Variants in VPS54 observed in about 807,000 individuals in gnomAD.
VPS54 encodes the protein VPS54 subunit of GARP complex.
VPS54 carries 45 observed loss-of-function variants against 121.5 expected under a neutral mutation model. The ratio of observed to expected loss-of-function variants is 0.37; its 90% confidence interval spans 0.29 to 0.47. VPS54 has a LOEUF of 0.47. Among genes scored for constraint, VPS54 ranks in the 20% least tolerant of loss-of-function variants. VPS54 has a pLI of 0.99. For synonymous variants in VPS54, 371 were observed against 385.8 expected (o/e 0.96, Z 0.45); for missense variants, 1,090 against 1,131.4 (o/e 0.96, Z 0.52).
Position 63,899,567 on chromosome 2 carries a change from A to G in VPS54, c.2640T>C (p.Ala880=). 1 of 1,613,588 alleles carries G rather than the reference A, an allele frequency of 6.2e-7. No individual in the cohort carries two copies. Among genetic ancestry groups the G allele is most frequent in the South Asian group, 1.1e-5 (1 of 91,060 alleles). ...DKLLSKYEVK[A]PVPSACFRNI... Reference sequence around the variant, plus strand: ...TCCTGAAACAGGCAGAAGGAACAGGAGCCTTCACTTCATACTGGTAGGAAA... The same window carrying G: ...TCCTGAAACAGGCAGAAGGAACAGGGGCCTTCACTTCATACTGGTAGGAAA... Residue 880 remains alanine, a synonymous_variant, in exon 21 of 23, where the codon GCT becomes GCC. Transcript: ENST00000272322.
Position 63,893,234 on chromosome 2 carries a change from A to C in VPS54, c.*196T>G. On this transcript the variant is annotated 3_prime_UTR_variant, in exon 23 of 23. Coordinates refer to ENST00000272322, the MANE Select transcript of VPS54 (RefSeq NM_016516.3). The stretch of plus-strand genomic sequence containing the variant: ...CACCTGATCAGTTACTCCTCACTGT[A>C]GGATGCACAAAAATGACATTCCTTG... 6.0e-6 allele frequency: 4 copies of C among 668,864 alleles called. No homozygotes were observed. Among genetic ancestry groups the C allele is most frequent in the Non-Finnish European group, 8.2e-6 (3 of 366,042 alleles). The allele number at this position is 668,864 out of a possible 1,614,324, so 41.4% of individuals were successfully genotyped here. A position where few individuals can be genotyped will look rare whatever the true frequency, so the allele number is the denominator to read the frequency against.
Position 63,981,834 on chromosome 2 carries a change from A to T in VPS54, c.190T>A (p.Trp64Arg). 1 of 1,613,670 alleles carries T rather than the reference A, an allele frequency of 6.2e-7. No homozygotes were observed. The highest frequency in any genetic ancestry group is 8.5e-7 in the Non-Finnish European group (1 of 1,179,718). ...TTTACTTTGGAATGATATACAGTCC[A>T]TCTATGTTGATCTGTAACTAGAGAT... is the stretch of plus-strand genomic sequence containing the variant. The part of the protein sequence containing the change: ...APSLVTDQHR[W>R]TVYHSKVNLP... The change falls in exon 3 of 23, where the codon TGG becomes AGG. Residue 64 changes from tryptophan (W) to arginine (R), a missense_variant. Physicochemically the swap from Trp to Arg is moderately radical, Grantham distance 101 (BLOSUM62 -3). Coordinates refer to ENST00000272322, the MANE Select transcript of VPS54 (RefSeq NM_016516.3).
At chr2:64,007,820 G>C (rs1282750291) in intron 1 of VPS54, among the ~76,000 whole-genome samples, 1 of 152,108 alleles carries the variant, frequency 6.6e-6, no homozygotes, top group Non-Finnish European at 1.5e-5. Flanking sequence ...AGATGTGTCA[G>C]GAAGTAAAGT....
intron 19 of VPS54, 46 bp downstream of exon 19, chr2:63,912,494 G>GGATCTAAACTTATC (rs1173222796): frequency 1.2e-6 from 2 of 1,608,494 alleles, no homozygotes; most frequent in East Asian, 2.2e-5. Flanking sequence ...TAACAATTAA[G>GGATCTAAACTTATC]GATCTAAACT....
rs749956405 is a variant in VPS54 at position 63,944,685 on chromosome 2, TTTGA to T, written c.1246-34_1246-31del. On this transcript the variant is annotated intron_variant, in intron 9 of 22. Transcript: ENST00000272322. ...AAAATTTAAGAAAAAACAAAAACAATTTGATTAATTGTCTTTCAAATCCTAAGTA... is the reference window on the plus strand; with the variant it reads ...AAAATTTAAGAAAAAACAAAAACAATTTAATTGTCTTTCAAATCCTAAGTA... The T allele has an allele frequency of 5.1e-6, 8 of 1,561,774 alleles. No homozygotes were observed. The Admixed American group carries it at 5.2e-5, about 10-fold the overall frequency.
At chr2:63,997,451 T>A (rs1008086397) in intron 1 of VPS54, among the ~76,000 whole-genome samples, 3 of 152,198 alleles carry the variant, frequency 2.0e-5, no homozygotes, top group African/African-American at 7.2e-5. Flanking sequence ...TATAGGAATT[T>A]ATCCATTTCT....
At chr2:63,964,201 G>A (rs1296748526) in intron 6 of VPS54, among the ~76,000 whole-genome samples, 2 of 152,080 alleles carry the variant, frequency 1.3e-5, no homozygotes, top group African/African-American at 4.8e-5. Context: ...AGAGCAGAAC[G>A]AAAAGGAGTC....
At chr2:63,968,161 G>A (rs1311990076) in intron 5 of VPS54, among the ~76,000 whole-genome samples, 1 of 152,026 alleles carries the variant, frequency 6.6e-6, no homozygotes, top group Non-Finnish European at 1.5e-5. Context: ...ACCTATTTGA[G>A]AATCTGATGA....
chr2:63,993,199 G>A (rs1677412216), intron 1 of VPS54, among the ~76,000 whole-genome samples: 1 of 152,144 alleles, frequency 6.6e-6, no homozygotes, highest in South Asian at 2.1e-4. Flanking sequence ...TTCAAATTAG[G>A]AGAGATTATT....
At chr2:63,920,158 T>C (rs1044326451) in intron 14 of VPS54, among the ~76,000 whole-genome samples, 163 bp from the exon 15 acceptor site, 6 of 152,164 alleles carry the variant, frequency 3.9e-5, no homozygotes, top group Non-Finnish European at 8.8e-5. Context: ...TCCCTTTTTA[T>C]ATCTCAGCCT....
intron 12 of VPS54, among the ~76,000 whole-genome samples, chr2:63,930,549 C>A (rs1432232704): frequency 1.3e-5 from 2 of 152,146 alleles, no homozygotes; most frequent in Non-Finnish European, 2.9e-5. Context: ...AAACCCACAG[C>A]CAATATAATA....
At position 63,962,218 on chromosome 2, in the gene VPS54, C is replaced by T; in HGVS notation, c.850G>A (p.Val284Ile). The T allele has an allele frequency of 6.2e-7, 1 of 1,613,998 alleles. No homozygotes were observed. Among genetic ancestry groups the T allele is most frequent in the South Asian group, 1.1e-5 (1 of 91,076 alleles). ...AACTTCAGCTTATTGTATACTTTAACACAATTATTTCTGGTAAGTGCCAGT... is the reference window on the plus strand; with the variant it reads ...AACTTCAGCTTATTGTATACTTTAATACAATTATTTCTGGTAAGTGCCAGT... Reference protein sequence around the residue: ...LRLALTRNNCVKVYNKLKLMA... With the variant: ...LRLALTRNNCIKVYNKLKLMA... Residue 284 changes from valine (V) to isoleucine (I), a missense_variant, in exon 7 of 23, where the codon GTT becomes ATT. By Grantham distance (29) the Val-to-Ile change is conservative (BLOSUM62 3). This residue lies in a region of VPS54 where 801 missense variants were observed against 757.0 expected (regional missense o/e 1.06). Transcript: ENST00000272322.
At chr2:63,932,914 T>C (rs1382318287) in intron 12 of VPS54, among the ~76,000 whole-genome samples, 1 of 152,132 alleles carries the variant, frequency 6.6e-6, no homozygotes, top group African/African-American at 2.4e-5. Context: ...ATACTAAGGT[T>C]ATATAGGAGT....
At position 63,919,887 on chromosome 2, in the gene VPS54, T is replaced by G; in HGVS notation, c.2160A>C (p.Ser720=). 1 of 1,608,796 alleles carries G rather than the reference T, an allele frequency of 6.2e-7. No individual in the cohort carries two copies. Among genetic ancestry groups the G allele is most frequent in the South Asian group, 1.1e-5 (1 of 90,326 alleles). The change falls in exon 15 of 23, where the codon TCA becomes TCC. Residue 720 remains serine, a synonymous_variant. Transcript: ENST00000272322. ...DGKIALPEKK[S]GATEERKPAE... is the part of the protein sequence containing the mutation. ...TGTGTGAATGAATACACATACCTCC[T>G]GATTTTTTTTCAGGTAAAGCAATCT...
chr2:63,979,920 T>TC (rs1676730843), intron 3 of VPS54, among the ~76,000 whole-genome samples: 1 of 152,206 alleles, frequency 6.6e-6, no homozygotes, highest in South Asian at 2.1e-4. Flanking sequence ...CATAAATGTT[T>TC]CATGAACACT....
At chr2:63,956,971 G>C (rs568460361) in intron 7 of VPS54, among the ~76,000 whole-genome samples, 1 of 152,010 alleles carries the variant, frequency 6.6e-6, no homozygotes, top group Non-Finnish European at 1.5e-5. Flanking sequence ...ATCAACATTC[G>C]AATGCATTCT....
intron 3 of VPS54, among the ~76,000 whole-genome samples, chr2:63,976,332 C>T (rs1445768837): frequency 7.1e-6 from 1 of 141,198 alleles, no homozygotes; most frequent in East Asian, 2.0e-4. Flanking sequence ...GCCTGGGCAA[C>T]AGAGCGTGAC....
intron 10 of VPS54, among the ~76,000 whole-genome samples, chr2:63,943,851 A>G (rs1206005816): frequency 6.6e-6 from 1 of 151,084 alleles, no homozygotes; most frequent in African/African-American, 2.4e-5. Flanking sequence ...TAGCCTCCTG[A>G]GTAGCTAGGA....
At chr2:64,016,721 G>A (rs1678715597) in intron 1 of VPS54, among the ~76,000 whole-genome samples, 3 of 151,652 alleles carry the variant, frequency 2.0e-5, no homozygotes, top group South Asian at 4.2e-4. Flanking sequence ...CGATTCGCCA[G>A]CCTCAGCCTC....
Sources: gnomAD v4.1 joint callset for allele counts (sites outside exome capture counted in the v4.1 genomes callset) on GRCh38, gnomAD v4.1.1 for gene constraint, gnomAD v4.1.1 regional missense constraint, MANE v1.5 for transcripts, NCBI Gene and HGNC (gene_info 2026-07-23, HGNC 2026-07-21) for gene names.